The following CHST12 variants were observed in gnomAD, a reference collection of about 807,000 sequenced individuals.
CHST12 encodes carbohydrate sulfotransferase 12, also known as carbohydrate (chondroitin 4) sulfotransferase 12.
Under a neutral mutation model 27.9 loss-of-function variants are expected in CHST12, and 23 were observed. The ratio of observed to expected loss-of-function variants is 0.82; its 90% CI spans 0.59 to 1.17. The LOEUF (loss-of-function observed/expected upper bound fraction) is 1.17, where lower values mean the gene tolerates loss of function less well. Ranked by LOEUF, CHST12 falls within the 50% of genes most tolerant of loss-of-function variation. The pLI is 0.00. For synonymous variants in CHST12, 322 were observed against 273.0 expected (o/e 1.18, Z -1.77); for missense variants, 682 against 603.0 (o/e 1.13, Z -1.37).
At chr7:2,424,864 C>G (rs1399502201) in intron 1 of CHST12, among the ~76,000 whole-genome samples, 1 of 152,128 alleles carries the variant, frequency 6.6e-6, no homozygotes, top group Non-Finnish European at 1.5e-5. Flanking sequence ...CCTGCTAGAG[C>G]CTGTTGTAAT....
rs1782362416 is a variant in CHST12, at chr7:2,433,462, C to G, written c.823C>G (p.Leu275Val). ...CTACCGCAAGTTCGCCGTGCCCATGCTGCGGCTGTACGCCAACCACACCAG... is the reference window on the plus strand; with the variant it reads ...CTACCGCAAGTTCGCCGTGCCCATGGTGCGGCTGTACGCCAACCACACCAG... ...EFYRKFAVPM[L>V]RLYANHTSLP... is the part of the protein sequence containing the mutation. Residue 275 changes from leucine to valine, a missense_variant, in exon 2 of 2, where the codon CTG becomes GTG. By Grantham distance (32) the Leu-to-Val change is conservative (BLOSUM62 1). Transcript: ENST00000618655. This position sits in a 1 kb window ranked among gnomAD's most constrained non-coding sequence, Gnocchi z 6.1. 1 of 1,610,748 alleles carries G rather than the reference C, an allele frequency of 6.2e-7. No homozygotes were observed. The highest frequency in any genetic ancestry group is 2.2e-5 in the East Asian group (1 of 44,886).
chr7:2,415,953 T>G (rs577135891), intron 1 of CHST12, among the ~76,000 whole-genome samples: 2 of 152,234 alleles, frequency 1.3e-5, no homozygotes, highest in Non-Finnish European at 2.9e-5. Context: ...GCTGCATTTA[T>G]TGACTCTTAC....
At position 2,441,246 on chromosome 7, in the gene CHST12, C is replaced by G. The variant is rs948766012; in HGVS notation, c.*7362C>G. ...GGGAGGGAGACAACAGAGCTGCCACCTGCTCACCGCAGACCCAGGGGCCCA... is the reference window on the plus strand; with the variant it reads ...GGGAGGGAGACAACAGAGCTGCCACGTGCTCACCGCAGACCCAGGGGCCCA... On this transcript the variant is annotated 3_prime_UTR_variant, in exon 2 of 2. Transcript: ENST00000618655. 1 of 152,336 alleles carries G rather than the reference C, an allele frequency of 6.6e-6. No homozygotes were observed. Among genetic ancestry groups the G allele is most frequent in the Non-Finnish European group, 1.5e-5 (1 of 68,150 alleles). The allele number at this position is 152,336 out of a possible 1,614,324, so 9.4% of individuals were successfully genotyped here.
intron 1 of CHST12, among the ~76,000 whole-genome samples, chr7:2,430,814 C>G (rs1782253675): frequency 6.6e-6 from 1 of 152,218 alleles, no homozygotes; most frequent in Non-Finnish European, 1.5e-5. Context: ...TCTCCAACTC[C>G]TGATCTCAAA....
rs949380682 is a variant in CHST12, at chr7:2,436,158, A to G, written c.*2274A>G. 2 of 152,216 alleles carry G rather than the reference A, an allele frequency of 1.3e-5. No homozygotes were observed. Among genetic ancestry groups the G allele is most frequent in the African/African-American group, 4.8e-5 (2 of 41,460 alleles). The allele number at this position is 152,216 out of a possible 1,614,324, so 9.4% of individuals were successfully genotyped here. A position where few individuals can be genotyped will look rare whatever the true frequency, so the allele number is the denominator to read the frequency against. ...GATAAAAATGTTTAATTTTAAACGT[A>G]CCATCTTAACCATTGTTAAGTGCAC... On this transcript the variant is annotated 3_prime_UTR_variant, in exon 2 of 2. Coordinates refer to ENST00000618655, the MANE Select transcript of CHST12 (RefSeq NM_018641.5).
intron 1 of CHST12, among the ~76,000 whole-genome samples, chr7:2,415,770 G>T (rs538872144): frequency 4.2e-4 from 64 of 151,966 alleles, no homozygotes; most frequent in African/African-American, 1.5e-3. Flanking sequence ...CCGCCACCAC[G>T]CCTGGCTAAT....
rs995321114 is a variant in CHST12, at chr7:2,439,258, G to A, written c.*5374G>A. The A allele has an allele frequency of 3.3e-5, 5 of 152,176 alleles. No individual in the cohort carries two copies. Among genetic ancestry groups the A allele is most frequent in the Admixed American group, 6.6e-5 (1 of 15,266 alleles). 9.4% of individuals were successfully genotyped at this position (152,176 alleles called of 1,614,324 possible). A position where few individuals can be genotyped will look rare whatever the true frequency, so the allele number is the denominator to read the frequency against. On this transcript the variant is annotated 3_prime_UTR_variant, in exon 2 of 2. Transcript: ENST00000618655. ...CCTGAGGATGCAGGGCACTGTTCAC[G>A]TGGACATGAGCCGTTTCTTAGCATC...
At chr7:2,421,581 T>C (rs1305143722) in intron 1 of CHST12, among the ~76,000 whole-genome samples, 1 of 151,936 alleles carries the variant, frequency 6.6e-6, no homozygotes, top group Non-Finnish European at 1.5e-5. Flanking sequence ...GGATTACAAG[T>C]GTACACCACC....
In CHST12 at chr7:2,433,893, G is replaced by A. The variant is rs1782389462; in HGVS notation, c.*9G>A. The A allele has an allele frequency of 3.9e-6, 6 of 1,550,604 alleles. No individual in the cohort carries two copies. The Admixed American group carries it at 8.3e-5, about 21-fold the overall frequency. On this transcript the variant is annotated 3_prime_UTR_variant, in exon 2 of 2. Transcript: ENST00000618655. This position sits in a 1 kb window ranked among gnomAD's most constrained non-coding sequence, Gnocchi z 6.1. ...ACCTCCTCCGAGACTGAAAGCTTTCGCGTTGCTTTTTCTCGCGTGCCTGGA... is the reference window on the plus strand; with the variant it reads ...ACCTCCTCCGAGACTGAAAGCTTTCACGTTGCTTTTTCTCGCGTGCCTGGA...
At chr7:2,424,918 G>A (rs1458757565) in intron 1 of CHST12, among the ~76,000 whole-genome samples, 3 of 152,044 alleles carry the variant, frequency 2.0e-5, no homozygotes, top group African/African-American at 4.8e-5. Flanking sequence ...GCAAGACCCC[G>A]CTCCAGGCCG....
rs780970226 is a variant in CHST12, at chr7:2,433,553, A to G, written c.914A>G (p.Gln305Arg). 1 of 1,613,420 alleles carries G rather than the reference A, an allele frequency of 6.2e-7. No individual in the cohort carries two copies. Among genetic ancestry groups the G allele is most frequent in the East Asian group, 2.2e-5 (1 of 44,872 alleles). The change falls in exon 2 of 2, where the codon CAG becomes CGG. Residue 305 changes from glutamine to arginine, a missense_variant. By Grantham distance (43) the Gln-to-Arg change is conservative (BLOSUM62 1). Transcript: ENST00000618655. The surrounding 1 kb of genome is among the most constrained non-coding windows in gnomAD (Gnocchi z 6.1). ...GLKVSFANFI[Q>R]YLLDPHTEKL... is the part of the protein sequence containing the mutation. ...AAGGTGTCCTTCGCCAACTTCATCC[A>G]GTACCTGCTGGACCCGCACACGGAG... is the stretch of plus-strand genomic sequence containing the variant.
chr7:2,413,573 A>G (rs983888971), intron 1 of CHST12, among the ~76,000 whole-genome samples: 1 of 151,926 alleles, frequency 6.6e-6, no homozygotes, highest in African/African-American at 2.4e-5. Flanking sequence ...GCCTCTTTTA[A>G]ATGTCATATA....
At chr7:2,419,210 ACC>A (rs1317089194) in intron 1 of CHST12, among the ~76,000 whole-genome samples, 1 of 152,068 alleles carries the variant, frequency 6.6e-6, no homozygotes, top group Non-Finnish European at 1.5e-5. Flanking sequence ...GGAGTTCAAG[ACC>A]ATCCTGGTCA....
At position 2,441,949 on chromosome 7, in the gene CHST12, T is replaced by C. The variant is rs1215718460; in HGVS notation, c.*8065T>C. ...AACAGTTCAGTGGCATTAAGCACAT[T>C]CAGTTTGCCTGCCACCGTTACCACC... On this transcript the variant is annotated 3_prime_UTR_variant, in exon 2 of 2. Transcript: ENST00000618655. 1 of 151,948 alleles carries C rather than the reference T, an allele frequency of 6.6e-6. No individual in the cohort carries two copies. Among genetic ancestry groups the C allele is most frequent in the African/African-American group, 2.4e-5 (1 of 41,332 alleles). 9.4% of individuals were successfully genotyped at this position (151,948 alleles called of 1,614,324 possible).
chr7:2,424,185 C>T (rs1782047722), intron 1 of CHST12, among the ~76,000 whole-genome samples: 1 of 152,162 alleles, frequency 6.6e-6, no homozygotes, highest in Non-Finnish European at 1.5e-5. Flanking sequence ...GAGATCCTGT[C>T]TCTACAGAAT....
At position 2,411,490 on chromosome 7, in the gene CHST12, CTT is replaced by C. The variant is rs79743047; in HGVS notation, c.-78+7834_-78+7835del. 4.5e-4 allele frequency among the ~76,000 whole-genome samples: 39 copies of C among 87,544 alleles called. 1 individual carries two copies. The highest frequency in any genetic ancestry group is 1.7e-3 in the African/African-American group (36 of 21,024). The allele number at this position is 87,544 out of a possible 152,430, so 57.4% of individuals were successfully genotyped here. On this transcript the variant is annotated intron_variant, in intron 1 of 1. Transcript: ENST00000618655. The stretch of plus-strand genomic sequence containing the variant: ...ATAATTTCTTTGAGTTAACTTAACT[CTT>C]TTTTTTTTTTTTTTTTGAGACGGAG...
intron 1 of CHST12, among the ~76,000 whole-genome samples, chr7:2,410,989 T>C (rs911622965): frequency 2.0e-5 from 3 of 152,022 alleles, no homozygotes; most frequent in Non-Finnish European, 2.9e-5. Flanking sequence ...CTGATGGTGA[T>C]TGGGGCAGGG....
rs773306630 is a variant in CHST12, at chr7:2,432,910, C to T, written c.271C>T (p.Pro91Ser). 6 of 1,613,144 alleles carry T rather than the reference C, an allele frequency of 3.7e-6. No homozygotes were observed. In the Admixed American group the frequency reaches 5.0e-5, roughly 13 times the overall value. The change falls in exon 2 of 2, where the codon CCG (proline) becomes TCG (serine). Residue 91 changes from proline to serine, a missense_variant. Transcript: ENST00000618655. ...SDLPRKETEQ[P>S]PAPGSMEESV... ...CCTTCCCAGAAAGGAGACGGAGCAG[C>T]CGCCTGCGCCGGGGAGCATGGAGGA...
In CHST12 at chr7:2,408,995, C is replaced by T. The variant is rs529701446; in HGVS notation, c.-78+5322C>T. Among the ~76,000 whole-genome samples, 7 of 152,056 alleles carry T rather than the reference C, an allele frequency of 4.6e-5. No individual in the cohort carries two copies. In the South Asian group the frequency reaches 1.2e-3, roughly 27 times the overall value. Reference sequence around the variant, plus strand: ...GTTGATACAGTTGGCAGAGTTGGGGCGGGATTAGTGATAAGTACTAAACAA... The same window carrying T: ...GTTGATACAGTTGGCAGAGTTGGGGTGGGATTAGTGATAAGTACTAAACAA... On this transcript the variant is annotated intron_variant, in intron 1 of 1. Coordinates refer to ENST00000618655, the MANE Select transcript of CHST12 (RefSeq NM_018641.5).
Sources: allele counts gnomAD v4.1 joint callset (sites outside exome capture counted in the v4.1 genomes callset), GRCh38; gene constraint gnomAD v4.1.1; non-coding constraint Gnocchi (gnomAD v3.1); transcripts MANE v1.5; gene names NCBI Gene and HGNC (gene_info 2026-07-23, HGNC 2026-07-21).